Variants in ADORA2A observed in about 807,000 individuals in gnomAD.
The protein encoded by ADORA2A is adenosine receptor A2a.
ADORA2A carries 11 observed loss-of-function variants against 18.4 expected under a neutral mutation model. The ratio of observed to expected loss-of-function variants is 0.60; its 90% CI spans 0.38 to 0.99. The LOEUF is 0.99. ADORA2A is among the 50% of genes least tolerant of loss of function. The probability of loss-of-function intolerance (pLI) is 0.01; values close to 1 mark genes in which losing one functional copy is unlikely to be tolerated. For missense variants in ADORA2A, 449 were observed against 556.1 expected, an observed-to-expected ratio of 0.81 and a Z score of 1.94; for synonymous variants, 218 against 237.3, an observed-to-expected ratio of 0.92 and a Z score of 0.75.
intron 1 of ADORA2A, chr22:24,431,667 G>T (rs2043040070): frequency 2.7e-6 from 1 of 367,460 alleles, no homozygotes; most frequent in Non-Finnish European, 5.4e-6. Context: ...ACACTCATAG[G>T]GCCCCATGAG....
At chr22:24,439,971 TCTC>T (rs939606250) in intron 2 of ADORA2A, among the ~76,000 whole-genome samples, 4 of 152,190 alleles carry the variant, frequency 2.6e-5, no homozygotes, top group Non-Finnish European at 5.9e-5. Context: ...CCATGCTGCC[TCTC>T]CTCAAGGGCT....
intron 2 of ADORA2A, among the ~76,000 whole-genome samples, chr22:24,434,683 C>A (rs1012372295): frequency 1.3e-5 from 2 of 152,128 alleles, no homozygotes; most frequent in Non-Finnish European, 2.9e-5. Context: ...ACCATCTCTG[C>A]GGTGAATTAT....
upstream of ADORA2A, among the ~76,000 whole-genome samples, chr22:24,424,817 G>A (rs894768067): frequency 6.6e-6 from 1 of 152,188 alleles, no homozygotes; most frequent in Non-Finnish European, 1.5e-5. The surrounding 1 kb of genome is among the most constrained non-coding windows in gnomAD (Gnocchi z 4.9). Flanking sequence ...GGCGGCCCAA[G>A]GGCTTGAGGA....
chr22:24,426,845 T>C (rs1322036638), upstream of ADORA2A, among the ~76,000 whole-genome samples: 1 of 152,130 alleles, frequency 6.6e-6, no homozygotes, highest in Non-Finnish European at 1.5e-5. Context: ...GATACCTCTC[T>C]CCCTTCACCT....
chr22:24,432,426 G>C (rs965112271), intron 1 of ADORA2A: 2 of 152,954 alleles, frequency 1.3e-5, no homozygotes, highest in Admixed American at 6.5e-5. Context: ...GGGGGGCTGA[G>C]AAGTTGGCCT....
intron 1 of ADORA2A, among the ~76,000 whole-genome samples, chr22:24,430,714 C>A (rs532532659): frequency 6.6e-6 from 1 of 152,394 alleles, no homozygotes; most frequent in South Asian, 2.1e-4. Context: ...TTGCCCCCAG[C>A]AAGGCCCTTG....
chr22:24,427,027 G>A (rs955467245), upstream of ADORA2A, among the ~76,000 whole-genome samples: 5 of 152,182 alleles, frequency 3.3e-5, no homozygotes, highest in Admixed American at 2.0e-4. Context: ...CTGGTCTCTG[G>A]CATCGGCCGT....
chr22:24,436,302 G>A (rs1326571923), intron 2 of ADORA2A, among the ~76,000 whole-genome samples: 5 of 152,268 alleles, frequency 3.3e-5, no homozygotes, highest in Admixed American at 3.3e-4. Context: ...TTCTCAGCTG[G>A]GAATCCAGCC....
At chr22:24,425,737 T>C (rs2042911814), upstream of ADORA2A, among the ~76,000 whole-genome samples, 1 of 152,256 alleles carries the variant, frequency 6.6e-6, no homozygotes, top group African/African-American at 2.4e-5. Flanking sequence ...TCAATGGCAA[T>C]GACTGCCTCA....
At chr22:24,436,103 T>C (rs1397056384) in intron 2 of ADORA2A, among the ~76,000 whole-genome samples, 1 of 152,236 alleles carries the variant, frequency 6.6e-6, no homozygotes, top group African/African-American at 2.4e-5. Flanking sequence ...GTGGATGGAC[T>C]CCAGGGCCCT....
At chr22:24,437,460 C>G (rs2146909829) in intron 2 of ADORA2A, among the ~76,000 whole-genome samples, 1 of 152,242 alleles carries the variant, frequency 6.6e-6, no homozygotes, top group South Asian at 2.1e-4. Context: ...TGATGCTGTC[C>G]CCACCCCGTG....
At chr22:24,426,977 T>G (rs2146860057), upstream of ADORA2A, among the ~76,000 whole-genome samples, 1 of 152,312 alleles carries the variant, frequency 6.6e-6, no homozygotes, top group African/African-American at 2.4e-5. Context: ...GGGCTGCTGC[T>G]GCTCTTCTGT....
At chr22:24,440,380 T>C (rs1325853583) in intron 2 of ADORA2A, among the ~76,000 whole-genome samples, 1 of 152,244 alleles carries the variant, frequency 6.6e-6, no homozygotes, top group Non-Finnish European at 1.5e-5. Flanking sequence ...GCTCTCCTGT[T>C]ACCTCCCAGA....
chr22:24,431,462 C>A (rs943142773), intron 1 of ADORA2A: 4 of 456,710 alleles, frequency 8.8e-6, no homozygotes, highest in Non-Finnish European at 1.8e-5. Context: ...AGCTCTGTCA[C>A]ATGGACAATG....
chr22:24,427,268 C>T (rs1224534956), upstream of ADORA2A, among the ~76,000 whole-genome samples: 1 of 152,150 alleles, frequency 6.6e-6, no homozygotes, highest in South Asian at 2.1e-4. Flanking sequence ...TGCTTGGTCA[C>T]CCTGCCCTCC....
rs1467567343 is a variant in ADORA2A at position 24,440,712 on chromosome 22, C to A, written c.462C>A (p.Asn154Lys). 6.2e-7 allele frequency: 1 copy of A among 1,614,120 alleles called. No homozygotes were observed. Among genetic ancestry groups the A allele is most frequent in the Non-Finnish European group, 8.5e-7 (1 of 1,179,954 alleles). Residue 154 changes from asparagine to lysine, a missense_variant, in exon 3 of 3, where the codon AAC (asparagine) becomes AAA (lysine). Asn to Lys is a moderately conservative substitution (Grantham distance 94). Transcript: ENST00000337539. ...NNCGQPKEGK[N>K]HSQGCGEGQV... is the part of the protein sequence containing the mutation. ...GCGGTCAGCCAAAGGAGGGCAAGAA[C>A]CACTCCCAGGGCTGCGGGGAGGGCC...
upstream of ADORA2A, among the ~76,000 whole-genome samples, chr22:24,427,157 G>A (rs899602919): frequency 2.0e-5 from 3 of 152,180 alleles, no homozygotes; most frequent in African/African-American, 4.8e-5. Context: ...TGGTCTGCCC[G>A]TGTCACAGGA....
upstream of ADORA2A, among the ~76,000 whole-genome samples, chr22:24,425,204 C>T (rs903513349): frequency 4.0e-5 from 6 of 151,516 alleles, no homozygotes; most frequent in Non-Finnish European, 8.8e-5. Flanking sequence ...GCCCTGGGGA[C>T]CATGGTGGAG....
chr22:24,424,753 G>A (rs565909103), upstream of ADORA2A, among the ~76,000 whole-genome samples: 214 of 152,294 alleles, frequency 1.4e-3, 1 homozygote, highest in Non-Finnish European at 2.4e-3. The surrounding 1 kb of genome is among the most constrained non-coding windows in gnomAD (Gnocchi z 4.9). Flanking sequence ...TGGCTGCCCG[G>A]AGCGGAGGTA....
Sources: allele counts gnomAD v4.1 joint callset (sites outside exome capture counted in the v4.1 genomes callset), GRCh38; gene constraint gnomAD v4.1.1; non-coding constraint Gnocchi (gnomAD v3.1); transcripts MANE v1.5; gene names NCBI Gene and HGNC (gene_info 2026-07-23, HGNC 2026-07-21).